AUTS2: variants seen among roughly 807,000 people sequenced by gnomAD.
AUTS2 encodes the protein activator of transcription and developmental regulator AUTS2, also known as autism susceptibility gene 2 protein.
In AUTS2, 17 loss-of-function variants were observed where a neutral mutation model predicts 112.4. That is an observed-to-expected ratio of 0.15 (90% CI 0.10 to 0.23). AUTS2 has a LOEUF of 0.23. Ranked by LOEUF, AUTS2 falls within the 10% of genes least tolerant of loss-of-function variation. The pLI is 1.00. For missense variants in AUTS2, 1,510 were observed against 1,701.6 expected, an observed-to-expected ratio of 0.89 and a Z score of 1.98; for synonymous variants, 751 against 702.7, an observed-to-expected ratio of 1.07 and a Z score of -1.09.
At chr7:69,654,144 T>C (rs1359233972) in intron 1 of AUTS2, among the ~76,000 whole-genome samples, 1 of 152,228 alleles carries the variant, frequency 6.6e-6, no homozygotes, top group African/African-American at 2.4e-5. Flanking sequence ...CCTGTCACCA[T>C]CTCTGCTTTT....
intron 4 of AUTS2, among the ~76,000 whole-genome samples, chr7:70,427,682 G>A (rs532626879): frequency 2.6e-5 from 4 of 152,188 alleles, no homozygotes; most frequent in Non-Finnish European, 4.4e-5. Flanking sequence ...CTAATGGGTG[G>A]TAGAATGAAC....
chr7:70,038,180 T>C (rs759711586), intron 2 of AUTS2, among the ~76,000 whole-genome samples: 2 of 152,156 alleles, frequency 1.3e-5, no homozygotes, highest in African/African-American at 2.4e-5. Flanking sequence ...GGCAGCAATG[T>C]GGAGCTTACT....
chr7:70,067,776 C>T (rs759050163), intron 2 of AUTS2, among the ~76,000 whole-genome samples: 11 of 151,848 alleles, frequency 7.2e-5, no homozygotes, highest in Non-Finnish European at 1.3e-4. Context: ...TCACCTGAGC[C>T]TGGGAGATTG....
intron 5 of AUTS2, among the ~76,000 whole-genome samples, chr7:70,487,953 G>C (rs925773119): frequency 3.9e-5 from 6 of 152,190 alleles, no homozygotes; most frequent in Non-Finnish European, 7.3e-5. Flanking sequence ...GGCCAAGAGA[G>C]AAGCCCCTCG....
At chr7:69,854,120 G>A (rs1182878498) in intron 1 of AUTS2, among the ~76,000 whole-genome samples, 1 of 152,026 alleles carries the variant, frequency 6.6e-6, no homozygotes, top group East Asian at 1.9e-4. Context: ...TTTGCAGTTG[G>A]AATACCCTAA....
intron 2 of AUTS2, among the ~76,000 whole-genome samples, chr7:69,905,235 C>T (rs1381972345): frequency 6.6e-6 from 1 of 151,984 alleles, no homozygotes; most frequent in East Asian, 1.9e-4. Flanking sequence ...ATAATTTTAT[C>T]CTAAATGACA....
intron 16 of AUTS2, 23 bp from the exon 17 acceptor site, chr7:70,785,932 C>T (rs1791435280): frequency 1.2e-6 from 2 of 1,612,542 alleles, no homozygotes; most frequent in Non-Finnish European, 1.7e-6. Flanking sequence ...TGACCATTTC[C>T]TTCTTCCCCA....
chr7:70,552,129 T>C (rs1801040600), intron 5 of AUTS2, among the ~76,000 whole-genome samples: 1 of 152,190 alleles, frequency 6.6e-6, no homozygotes, highest in South Asian at 2.1e-4. Flanking sequence ...TGTGCGTGTG[T>C]GTTTAAACAA....
chr7:70,496,797 C>CT (rs1204783023), intron 5 of AUTS2, among the ~76,000 whole-genome samples: 2 of 133,504 alleles, frequency 1.5e-5, no homozygotes, highest in African/African-American at 5.7e-5. Flanking sequence ...ACACACACAC[C>CT]CCACACATGC....
chr7:69,689,073 G>A (rs934526981), intron 1 of AUTS2, among the ~76,000 whole-genome samples: 5 of 152,070 alleles, frequency 3.3e-5, no homozygotes, highest in African/African-American at 9.7e-5. Context: ...TGAAACCTTT[G>A]TGTAATGAAA....
In AUTS2 at chr7:70,087,924, C is replaced by G. The variant is rs568805095; in HGVS notation, c.523-30208C>G. 2.0e-5 allele frequency among the ~76,000 whole-genome samples: 3 copies of G among 151,952 alleles called. No homozygotes were observed. The East Asian group carries it at 5.8e-4, about 29-fold the overall frequency. On this transcript the variant is annotated intron_variant, in intron 2 of 18. Transcript: ENST00000342771. Reference sequence around the variant, plus strand: ...GGGCTTTTCAGGTTTTCTATTTTTTCTTAAGTAACATTTGGTAGTTTGTAT... The same window carrying G: ...GGGCTTTTCAGGTTTTCTATTTTTTGTTAAGTAACATTTGGTAGTTTGTAT...
chr7:69,826,567 G>A (rs952037435), intron 1 of AUTS2, among the ~76,000 whole-genome samples: 1 of 152,122 alleles, frequency 6.6e-6, no homozygotes, highest in Non-Finnish European at 1.5e-5. Flanking sequence ...TTAATATTAA[G>A]CATCTTGCCA....
At chr7:70,448,094 G>T (rs1041408059) in intron 5 of AUTS2, among the ~76,000 whole-genome samples, 1 of 152,166 alleles carries the variant, frequency 6.6e-6, no homozygotes, top group Non-Finnish European at 1.5e-5. Flanking sequence ...TTCCATATTG[G>T]TGGATTCCGA....
intron 4 of AUTS2, among the ~76,000 whole-genome samples, chr7:70,178,818 T>C (rs1342485830): frequency 6.6e-6 from 1 of 152,092 alleles, no homozygotes; most frequent in Admixed American, 6.6e-5. Context: ...GTAGGTCTTA[T>C]GGAGTCACAG....
At chr7:70,094,812 C>A (rs1804105512) in intron 2 of AUTS2, among the ~76,000 whole-genome samples, 1 of 152,026 alleles carries the variant, frequency 6.6e-6, no homozygotes, top group South Asian at 2.1e-4. Flanking sequence ...TGTTGCCTGT[C>A]TTATTAGGAG....
intron 1 of AUTS2, among the ~76,000 whole-genome samples, chr7:69,841,268 A>G (rs904240632): frequency 5.9e-5 from 9 of 152,220 alleles, no homozygotes; most frequent in African/African-American, 1.9e-4. Flanking sequence ...TGCAGGAAGC[A>G]TGGTGCTGGC....
chr7:70,671,666 T>C (rs1239206623), intron 5 of AUTS2, among the ~76,000 whole-genome samples: 4 of 151,276 alleles, frequency 2.6e-5, no homozygotes, highest in Admixed American at 6.6e-5. Context: ...TAACCCCCCC[T>C]ATGAATGAAG....
chr7:70,498,383 G>A (rs1443532345), intron 5 of AUTS2, among the ~76,000 whole-genome samples: 1 of 152,148 alleles, frequency 6.6e-6, no homozygotes, highest in Non-Finnish European at 1.5e-5. Context: ...CATCAGTCCT[G>A]GGCTGGTATC....
chr7:69,738,509 C>G (rs1787130987), intron 1 of AUTS2, among the ~76,000 whole-genome samples: 1 of 152,010 alleles, frequency 6.6e-6, no homozygotes, highest in African/African-American at 2.4e-5. Flanking sequence ...GTTCCCTCTC[C>G]CCAGCTGATA....
Sources: gnomAD v4.1 joint callset for allele counts (sites outside exome capture counted in the v4.1 genomes callset) on GRCh38, gnomAD v4.1.1 for gene constraint, MANE v1.5 for transcripts, NCBI Gene and HGNC (gene_info 2026-07-23, HGNC 2026-07-21) for gene names.